Variants in NCALD observed in about 807,000 individuals in gnomAD.
NCALD encodes the protein neurocalcin-delta.
Under a neutral mutation model 18.6 loss-of-function variants are expected in NCALD, and 10 were observed. The observed-to-expected ratio is 0.54, with a 90% CI of 0.33 to 0.91. NCALD has a LOEUF of 0.91. NCALD is among the 40% of genes least tolerant of loss of function. NCALD has a pLI of 0.03. For synonymous variants in NCALD, 88 were observed against 87.4 expected (o/e 1.01, Z -0.04); for missense variants, 184 against 247.6 (o/e 0.74, Z 1.72).
intron 4 of NCALD, among the ~76,000 whole-genome samples, chr8:101,809,737 G>T (rs1026339155): frequency 2.0e-5 from 3 of 152,054 alleles, no homozygotes; most frequent in African/African-American, 7.2e-5. Flanking sequence ...TAGAGACGGG[G>T]TTTCACCATG....
rs117005972 is a variant in NCALD at position 101,923,453 on chromosome 8, A to G, written c.-156-7595T>C. ...AGTGACCTTGGAGCAGTCACTCACT[A>G]TCACTAGCTCTCTATACGCAGAAAA... On this transcript the variant is annotated intron_variant, in intron 2 of 6. Coordinates refer to the NCALD transcript ENST00000311028. Among the ~76,000 whole-genome samples the G allele has an allele frequency of 2.0e-5, 3 of 152,326 alleles. No individual in the cohort carries two copies. In the East Asian group the frequency reaches 5.8e-4, roughly 29 times the overall value.
chr8:102,088,094 T>C (rs1824800784), intron 1 of NCALD, among the ~76,000 whole-genome samples: 1 of 152,232 alleles, frequency 6.6e-6, no homozygotes, highest in African/African-American at 2.4e-5. Flanking sequence ...AGGGTTACCT[T>C]AGGATAGAAC....
At chr8:101,752,930 T>C (rs1434257286) in intron 1 of NCALD, among the ~76,000 whole-genome samples, 3 of 152,206 alleles carry the variant, frequency 2.0e-5, no homozygotes, top group African/African-American at 7.2e-5. Context: ...ATCCTCTTTT[T>C]TTGTTCTAAA....
chr8:101,958,572 A>G (rs1337377322), intron 2 of NCALD, among the ~76,000 whole-genome samples: 1 of 152,142 alleles, frequency 6.6e-6, no homozygotes, highest in Admixed American at 6.6e-5. Context: ...ACTGTTTGCC[A>G]TATGCCAGAA....
rs766619388 is a variant in NCALD, at chr8:101,812,471, T to TA, written c.-20+74669dup. Among the ~76,000 whole-genome samples, 47 of 151,628 alleles carry TA rather than the reference T, an allele frequency of 3.1e-4. 1 individual carries two copies. Among genetic ancestry groups the TA allele is most frequent in the Non-Finnish European group, 6.5e-4 (44 of 67,864 alleles). ...ACTTTGTGTCATGGCTGGGAAGGAC[T>TA]AAAAAAAAATTTCCAGAACATCAAG... is the stretch of plus-strand genomic sequence containing the variant. On this transcript the variant is annotated intron_variant, in intron 4 of 6. Transcript: ENST00000311028.
chr8:101,939,685 A>C (rs1818886934), intron 2 of NCALD, among the ~76,000 whole-genome samples: 1 of 152,230 alleles, frequency 6.6e-6, no homozygotes, highest in Non-Finnish European at 1.5e-5. Flanking sequence ...GAAACTTTAT[A>C]ATAATTGAAT....
intron 1 of NCALD, chr8:102,029,169 A>C (rs1399864643): frequency 6.6e-6 from 1 of 152,166 alleles, no homozygotes; most frequent in African/African-American, 2.4e-5. Flanking sequence ...AAGTAGTAAA[A>C]TGTAGGGTGT....
intron 1 of NCALD, among the ~76,000 whole-genome samples, chr8:101,782,244 A>G (rs917798872): frequency 1.3e-5 from 2 of 152,014 alleles, no homozygotes; most frequent in Non-Finnish European, 2.9e-5. Flanking sequence ...TATATGTTTA[A>G]AACTATGAAG....
At chr8:101,958,875 T>C (rs923302871) in intron 2 of NCALD, among the ~76,000 whole-genome samples, 1 of 152,178 alleles carries the variant, frequency 6.6e-6, no homozygotes, top group Non-Finnish European at 1.5e-5. Context: ...TTGGAAACAA[T>C]TCCAAATATA....
chr8:102,017,254 T>C (rs1206801230), intron 2 of NCALD, among the ~76,000 whole-genome samples: 1 of 152,066 alleles, frequency 6.6e-6, no homozygotes, highest in African/African-American at 2.4e-5. Flanking sequence ...TAGACATCCA[T>C]ATAAAAAGTT....
chr8:102,081,622 A>G (rs1428822337), intron 1 of NCALD, among the ~76,000 whole-genome samples: 1 of 151,598 alleles, frequency 6.6e-6, no homozygotes, highest in African/African-American at 2.4e-5. Context: ...ACCTCTTCCG[A>G]ACTCTGCAAT....
intron 1 of NCALD, among the ~76,000 whole-genome samples, chr8:102,092,452 T>G (rs1395807858): frequency 6.6e-6 from 1 of 152,204 alleles, no homozygotes; most frequent in Non-Finnish European, 1.5e-5. Context: ...AAGAACCCTC[T>G]CTTGGGGTCT....
chr8:101,969,494 C>A (rs948793063), intron 2 of NCALD, among the ~76,000 whole-genome samples: 9 of 152,160 alleles, frequency 5.9e-5, no homozygotes, highest in African/African-American at 2.2e-4. Context: ...CTAGAAGAAA[C>A]TCTAAAAAAC....
Position 101,721,854 on chromosome 8 carries a change from C to CTT in NCALD, c.-19-2208_-19-2207dup, listed in dbSNP as rs112131848. On this transcript the variant is annotated intron_variant, in intron 1 of 3. Coordinates refer to ENST00000220931, the MANE Select transcript of NCALD (RefSeq NM_032041.3). ...AACTTACTTTTTGGGTTCCCCCTGC[C>CTT]TTTTTTTTTTTTTTTAAGACTCTGT... Among the ~76,000 whole-genome samples the CTT allele has an allele frequency of 4.1e-3, 585 of 141,078 alleles. 4 individuals carry two copies. The East Asian group carries it at 0.056, about 13-fold the overall frequency. The allele number at this position is 141,078 out of a possible 152,430, so 92.6% of individuals were successfully genotyped here.
chr8:101,780,589 T>C (rs1463076503), intron 1 of NCALD, among the ~76,000 whole-genome samples: 2 of 151,826 alleles, frequency 1.3e-5, no homozygotes, highest in African/African-American at 4.8e-5. Flanking sequence ...GGGAGTGAGT[T>C]TAATGGGGTT....
chr8:102,025,769 G>C (rs894259184), intron 1 of NCALD, among the ~76,000 whole-genome samples: 1 of 152,214 alleles, frequency 6.6e-6, no homozygotes, highest in Admixed American at 6.5e-5. Context: ...GAGGAGGAAC[G>C]TATGTCTACA....
chr8:101,802,392 A>G (rs1300047197), intron 4 of NCALD, among the ~76,000 whole-genome samples: 1 of 152,110 alleles, frequency 6.6e-6, no homozygotes, highest in African/African-American at 2.4e-5. Flanking sequence ...GTTCAAGTGA[A>G]AGGAAGAGTT....
At chr8:101,893,444 A>G (rs1426353054) in intron 3 of NCALD, among the ~76,000 whole-genome samples, 2 of 149,508 alleles carry the variant, frequency 1.3e-5, no homozygotes, top group African/African-American at 5.0e-5. Context: ...ACTAGGAAGA[A>G]ACTGCATCAA....
At chr8:101,923,262 T>C (rs1818227407) in intron 2 of NCALD, among the ~76,000 whole-genome samples, 1 of 152,190 alleles carries the variant, frequency 6.6e-6, no homozygotes, top group South Asian at 2.1e-4. Context: ...ACTTTATAAA[T>C]TACCCACTTG....
Sources: gnomAD v4.1 joint callset for allele counts (sites outside exome capture counted in the v4.1 genomes callset) on GRCh38, gnomAD v4.1.1 for gene constraint, MANE v1.5 for transcripts, NCBI Gene and HGNC (gene_info 2026-07-23, HGNC 2026-07-21) for gene names.